The following HDAC9 variants were observed in gnomAD, a reference collection of about 807,000 sequenced individuals.
HDAC9 encodes the protein histone deacetylase 9, also known as MEF-2 interacting transcription repressor (MITR) protein.
In HDAC9, 41 loss-of-function variants were observed where a neutral mutation model predicts 139.4. The observed-to-expected ratio is 0.29, with a 90% CI of 0.23 to 0.38. The LOEUF (loss-of-function observed/expected upper bound fraction) is 0.38, where lower values mean the gene tolerates loss of function less well. Among genes scored for constraint, HDAC9 ranks in the 10% least tolerant of loss-of-function variants. The pLI is 1.00. For missense variants in HDAC9, 1,147 were observed against 1,297.0 expected (o/e 0.88, Z 1.78); for synonymous variants, 517 against 476.2 (o/e 1.09, Z -1.12).
chr7:18,990,402 C>G (rs941914972), intron 25 of HDAC9, among the ~76,000 whole-genome samples: 3 of 152,212 alleles, frequency 2.0e-5, no homozygotes, highest in Admixed American at 6.5e-5. Context: ...GCAGTCTGCC[C>G]GTTTTCAGAT....
At chr7:18,904,792 G>C (rs557355794) in intron 22 of HDAC9, among the ~76,000 whole-genome samples, 42 of 152,040 alleles carry the variant, frequency 2.8e-4, no homozygotes, top group African/African-American at 8.7e-4. Context: ...AGCCAGGATG[G>C]TCTCGATCTC....
intron 21 of HDAC9, among the ~76,000 whole-genome samples, chr7:18,836,923 A>G (rs545069398): frequency 1.1e-4 from 17 of 152,180 alleles, no homozygotes; most frequent in African/African-American, 3.8e-4. Flanking sequence ...GAAATTTGCC[A>G]TTTATAAGTT....
At chr7:18,193,840 T>C (rs1376849347) in intron 2 of HDAC9, among the ~76,000 whole-genome samples, 1 of 152,236 alleles carries the variant, frequency 6.6e-6, no homozygotes, top group Admixed American at 6.5e-5. Flanking sequence ...AGGCTGCTTC[T>C]TTGCCTTTCT....
chr7:18,172,030 T>A (rs1440327199), intron 2 of HDAC9, among the ~76,000 whole-genome samples: 1 of 152,226 alleles, frequency 6.6e-6, no homozygotes, highest in East Asian at 1.9e-4. Flanking sequence ...TACCAGTTCC[T>A]CTTTGTACTT....
rs138509590 is a variant in HDAC9, at chr7:18,731,877, C to T, written c.1909+4120C>T. 2.3e-3 allele frequency among the ~76,000 whole-genome samples: 356 copies of T among 152,122 alleles called. 8 individuals carry two copies. In the East Asian group the frequency reaches 0.051, roughly 22 times the overall value. ...CCAACCTCAGGTGATCCGCCCATTT[C>T]GGCCTCCCAAAGTGCTGGGATTACA... On this transcript the variant is annotated intron_variant, in intron 13 of 25. Transcript: ENST00000686413.
At chr7:18,438,645 C>CGTGTGTGT (rs5882662) in intron 1 of HDAC9, among the ~76,000 whole-genome samples, 1 of 147,950 alleles carries the variant, frequency 6.8e-6, no homozygotes, top group African/African-American at 2.5e-5. Context: ...GCTGTGTGTG[C>CGTGTGTGT]GTGTGTGTGT....
At chr7:18,298,328 C>G (rs544087491) in intron 1 of HDAC9, among the ~76,000 whole-genome samples, 1 of 150,514 alleles carries the variant, frequency 6.6e-6, no homozygotes. Flanking sequence ...GGTACATGTG[C>G]ACATTGTGCA....
At chr7:18,410,751 A>G (rs1483652245) in intron 1 of HDAC9, among the ~76,000 whole-genome samples, 1 of 152,186 alleles carries the variant, frequency 6.6e-6, no homozygotes, top group Admixed American at 6.5e-5. Context: ...CTTTTGACCC[A>G]GTGAGATTTA....
intron 1 of HDAC9, among the ~76,000 whole-genome samples, chr7:18,451,815 G>A (rs1792896740): frequency 6.6e-6 from 1 of 152,004 alleles, no homozygotes; most frequent in Non-Finnish European, 1.5e-5. Context: ...GGAGTTTGTG[G>A]TCCCTAGGAA....
At chr7:18,090,065 GTTA>G (rs1384802711) in intron 1 of HDAC9, among the ~76,000 whole-genome samples, 1 of 152,028 alleles carries the variant, frequency 6.6e-6, no homozygotes, top group African/African-American at 2.4e-5. Context: ...TTCCCAGTTT[GTTA>G]TTATAATTCT....
intron 22 of HDAC9, among the ~76,000 whole-genome samples, chr7:18,925,156 G>T (rs1222817676): frequency 3.9e-5 from 6 of 152,118 alleles, no homozygotes; most frequent in African/African-American, 1.4e-4. Flanking sequence ...AGGCACAACT[G>T]GCACTGTGAT....
intron 22 of HDAC9, among the ~76,000 whole-genome samples, chr7:18,900,008 G>T (rs1215601269): frequency 6.6e-6 from 1 of 152,032 alleles, no homozygotes; most frequent in East Asian, 1.9e-4. Flanking sequence ...TTCAAACAAG[G>T]AGTTTCTCTA....
chr7:18,743,555 A>G (rs1787647142), intron 13 of HDAC9, among the ~76,000 whole-genome samples: 7 of 151,626 alleles, frequency 4.6e-5, no homozygotes, highest in Admixed American at 4.6e-4. Context: ...TGCTGCAGAT[A>G]GTTATCACAC....
intron 23 of HDAC9, among the ~76,000 whole-genome samples, chr7:18,941,008 C>T (rs1376780300): frequency 6.6e-6 from 1 of 152,018 alleles, no homozygotes. Context: ...AGGAAAAAAG[C>T]AAAACAAATT....
chr7:18,524,591 A>C (rs1265372693), intron 2 of HDAC9, among the ~76,000 whole-genome samples: 1 of 152,180 alleles, frequency 6.6e-6, no homozygotes, highest in Non-Finnish European at 1.5e-5. Context: ...CATAACGTTT[A>C]AAAACAAAAA....
intron 1 of HDAC9, among the ~76,000 whole-genome samples, chr7:18,391,037 C>G (rs1420757458): frequency 2.6e-5 from 4 of 152,028 alleles, no homozygotes. Context: ...TGCAATGAGC[C>G]AAGATTGTGC....
At chr7:18,195,953 C>G (rs1328972950) in intron 2 of HDAC9, among the ~76,000 whole-genome samples, 1 of 152,148 alleles carries the variant, frequency 6.6e-6, no homozygotes, top group African/African-American at 2.4e-5. Flanking sequence ...AATTTATCCT[C>G]TACCCCATCA....
At chr7:18,404,310 C>G (rs186812569) in intron 1 of HDAC9, among the ~76,000 whole-genome samples, 2 of 151,732 alleles carry the variant, frequency 1.3e-5, no homozygotes, top group East Asian at 3.9e-4. Context: ...ATATAACATA[C>G]ATAGGCAGGA....
At chr7:18,939,378 G>A (rs1236230947) in intron 23 of HDAC9, among the ~76,000 whole-genome samples, 1 of 151,782 alleles carries the variant, frequency 6.6e-6, no homozygotes, top group Non-Finnish European at 1.5e-5. Context: ...ACAAAGTTAA[G>A]AAAAAGAAAG....
Sources: gnomAD v4.1 joint callset for allele counts (sites outside exome capture counted in the v4.1 genomes callset) on GRCh38, gnomAD v4.1.1 for gene constraint, MANE v1.5 for transcripts, NCBI Gene and HGNC (gene_info 2026-07-23, HGNC 2026-07-21) for gene names.